Variants in MAP3K15 observed in about 807,000 individuals in gnomAD.
MAP3K15 encodes the protein mitogen-activated protein kinase kinase kinase 15.
In MAP3K15, 124 loss-of-function variants were observed where a neutral mutation model predicts 99.5. The ratio of observed to expected loss-of-function variants is 1.25; its 90% confidence interval spans 1.08 to 1.45. The LOEUF (loss-of-function observed/expected upper bound fraction) is 1.45, where lower values mean the gene tolerates loss of function less well. Among genes scored for constraint, MAP3K15 ranks in the 40% most tolerant of loss-of-function variants. MAP3K15 has a pLI of 0.00. For missense variants in MAP3K15, 1,242 were observed against 1,079.7 expected (o/e 1.15, Z -2.11); for synonymous variants, 494 against 439.6 (o/e 1.12, Z -1.55).
chrX:19,463,205 T>C (rs1482129767), intron 4 of MAP3K15, among the ~76,000 whole-genome samples: 3 of 112,106 alleles, frequency 2.7e-5, no homozygotes, highest in Non-Finnish European at 5.6e-5. Context: ...TGGTCACACA[T>C]GTTTAGGTTT....
intron 3 of MAP3K15, among the ~76,000 whole-genome samples, chrX:19,477,239 A>T (rs2064249137): frequency 9.0e-6 from 1 of 111,194 alleles, no homozygotes; most frequent in African/African-American, 3.3e-5. Flanking sequence ...TCTGATATTC[A>T]AGAGGTGCAG....
At chrX:19,507,749 G>A (rs1282811931) in intron 1 of MAP3K15, among the ~76,000 whole-genome samples, 1 of 110,300 alleles carries the variant, frequency 9.1e-6, no homozygotes, top group Non-Finnish European at 1.9e-5. Flanking sequence ...GAGTTTGTGG[G>A]AGAGGGCAGA....
At chrX:19,480,853 G>A (rs1328915995) in intron 3 of MAP3K15, among the ~76,000 whole-genome samples, 1 of 105,791 alleles carries the variant, frequency 9.5e-6, no homozygotes, top group Non-Finnish European at 1.9e-5. Flanking sequence ...GGTGGCTCAT[G>A]CCTGTAATCC....
At position 19,460,026 on chromosome X, in the gene MAP3K15, C is replaced by T; in HGVS notation, c.847G>A (p.Asp283Asn). 2 of 1,186,484 alleles carry T rather than the reference C, an allele frequency of 1.7e-6. No homozygotes were observed. Among genetic ancestry groups the T allele is most frequent in the Non-Finnish European group, 2.3e-6 (2 of 888,334 alleles). ...GACAGGAGTAAGTTAATGATGATGT[C>T]TGAGGTCAGAACCTCAGTATTATCC... ...RMDNTEVLTS[D>N]IIINLLLSYR... Residue 283 changes from aspartate to asparagine, a missense_variant, in exon 5 of 29, where the codon GAC becomes AAC. Physicochemically the swap from Asp to Asn is conservative, Grantham distance 23 (BLOSUM62 1). Transcript: ENST00000338883.
chrX:19,445,954 CAATA>C (rs58332212), intron 6 of MAP3K15, among the ~76,000 whole-genome samples: 3 of 103,595 alleles, frequency 2.9e-5, no homozygotes, highest in Non-Finnish European at 5.8e-5. Context: ...TCTCAAAAAT[CAATA>C]AATAAATAAA....
chrX:19,433,360 T>C (rs1229773983), intron 6 of MAP3K15, among the ~76,000 whole-genome samples: 1 of 111,624 alleles, frequency 9.0e-6, no homozygotes, highest in East Asian at 2.8e-4. Context: ...CATCACGCAA[T>C]CCATTGAGGG....
In MAP3K15 at chrX:19,474,509, G is replaced by A. The variant is rs779636129; in HGVS notation, c.526-10103C>T. Among the ~76,000 whole-genome samples, 4 of 77,533 alleles carry A rather than the reference G, an allele frequency of 5.2e-5. No individual in the cohort carries two copies. In the Admixed American group the frequency reaches 7.8e-4, roughly 15 times the overall value. 67.3% of individuals were successfully genotyped at this position (77,533 alleles called of 115,157 possible). On this transcript the variant is annotated intron_variant, in intron 3 of 28. Coordinates refer to ENST00000338883, the MANE Select transcript of MAP3K15 (RefSeq NM_001001671.4). ...GCAATAGTTCTAGAAGGGACTAGGA[G>A]TTCTAAACCTGAGATCCAGTCATTC...
chrX:19,417,209 G>A (rs1352000601), intron 9 of MAP3K15, among the ~76,000 whole-genome samples: 2 of 112,435 alleles, frequency 1.8e-5, no homozygotes, highest in African/African-American at 3.2e-5. Flanking sequence ...AGGACAGGGG[G>A]TGCAGCGCAC....
chrX:19,411,658 T>C (rs962231626), intron 11 of MAP3K15, among the ~76,000 whole-genome samples: 1 of 107,423 alleles, frequency 9.3e-6, no homozygotes, highest in African/African-American at 3.4e-5. Flanking sequence ...GCTGATGACT[T>C]CTGAACAGAA....
intron 16 of MAP3K15, among the ~76,000 whole-genome samples, chrX:19,393,064 G>T (rs144311961): frequency 3.4e-4 from 38 of 110,735 alleles, no homozygotes; most frequent in Non-Finnish European, 6.2e-4. Context: ...CCCCAATTAC[G>T]CTATTAAACA....
chrX:19,464,523 G>A (rs7056190), intron 3 of MAP3K15, 117 bp from the exon 4 acceptor site: 22,402 of 507,677 alleles, frequency 0.044, 1,451 homozygotes, highest in African/African-American at 0.28. Context: ...AAAACAATTC[G>A]TTCAATACGA....
intron 1 of MAP3K15, chrX:19,497,552 T>C (rs1569243906): frequency 8.9e-6 from 1 of 112,115 alleles, no homozygotes; most frequent in Non-Finnish European, 1.9e-5. Flanking sequence ...AACATCAAAA[T>C]GGTCTTTGCT....
chrX:19,481,609 C>G (rs1285030075), intron 3 of MAP3K15, among the ~76,000 whole-genome samples: 1 of 111,713 alleles, frequency 9.0e-6, no homozygotes, highest in Non-Finnish European at 1.9e-5. Flanking sequence ...CAATTTTAAA[C>G]GGGCAAAAGA....
At chrX:19,512,641 G>GC (rs1174091334) in intron 1 of MAP3K15, among the ~76,000 whole-genome samples, 2 of 84,171 alleles carry the variant, frequency 2.4e-5, no homozygotes, top group African/African-American at 1.1e-4. Context: ...ACCACATCCT[G>GC]CTTTTTTTTT....
intron 6 of MAP3K15, among the ~76,000 whole-genome samples, chrX:19,448,181 C>T (rs1216481403): frequency 1.8e-5 from 2 of 108,863 alleles, no homozygotes; most frequent in African/African-American, 3.3e-5. Context: ...AACGTGGCAA[C>T]GAGGACTTCA....
At chrX:19,368,432 C>A (rs1249035452) in intron 25 of MAP3K15, among the ~76,000 whole-genome samples, 2 of 113,224 alleles carry the variant, frequency 1.8e-5, no homozygotes, top group African/African-American at 6.4e-5. Context: ...TGAGCCACCA[C>A]GCCCATCCAC....
At chrX:19,371,322 C>G (rs948646636) in intron 23 of MAP3K15, 23 bp downstream of exon 23, 1 of 1,195,153 alleles carries the variant, frequency 8.4e-7, no homozygotes, top group Non-Finnish European at 1.1e-6. Flanking sequence ...GGTGTGTTCC[C>G]TAGGGCCAGA....
rs770658441 is a variant in MAP3K15, at chrX:19,361,223, A to T, written c.3857+116T>A. 60 of 594,499 alleles carry T rather than the reference A, an allele frequency of 1.0e-4. 1 individual carries two copies. The African/African-American group carries it at 1.3e-3, about 13-fold the overall frequency. 49.0% of individuals were successfully genotyped at this position (594,499 alleles called of 1,213,427 possible). A position where few individuals can be genotyped will look rare whatever the true frequency, so the allele number is the denominator to read the frequency against. On this transcript the variant is annotated intron_variant, in intron 28 of 28. Coordinates refer to ENST00000338883, the MANE Select transcript of MAP3K15 (RefSeq NM_001001671.4). ...CCCACCTTGGCTTTTTCCCAGCTTGAACCTAATAGAACTCCAGAGTTTGGG... is the reference window on the plus strand; with the variant it reads ...CCCACCTTGGCTTTTTCCCAGCTTGTACCTAATAGAACTCCAGAGTTTGGG...
intron 9 of MAP3K15, among the ~76,000 whole-genome samples, chrX:19,420,249 G>A (rs1372609216): frequency 7.5e-4 from 84 of 111,376 alleles, no homozygotes; most frequent in Admixed American, 2.5e-3. Flanking sequence ...ATGAATCCAG[G>A]AGCTGGTTTT....
Sources: allele counts gnomAD v4.1 joint callset (sites outside exome capture counted in the v4.1 genomes callset), GRCh38; gene constraint gnomAD v4.1.1; transcripts MANE v1.5; gene names NCBI Gene and HGNC (gene_info 2026-07-23, HGNC 2026-07-21).